Variants in BBOF1 observed in about 807,000 individuals in gnomAD.
BBOF1 encodes the protein basal body orientation factor 1.
Under a neutral mutation model 68.0 loss-of-function variants are expected in BBOF1, and 62 were observed. The ratio of observed to expected loss-of-function variants is 0.91; its 90% confidence interval spans 0.74 to 1.13. The LOEUF is 1.13. Ranked by LOEUF, BBOF1 falls within the 50% of genes most tolerant of loss-of-function variation. The pLI is 0.00. For synonymous variants in BBOF1, 208 were observed against 198.8 expected, an observed-to-expected ratio of 1.05 and a Z score of -0.39; for missense variants, 534 against 600.1, an observed-to-expected ratio of 0.89 and a Z score of 1.15.
At chr14:74,078,106 CT>C in intron 9 of BBOF1, 1 of 435,972 alleles carries the variant, frequency 2.3e-6, no homozygotes, top group South Asian at 1.6e-5. Flanking sequence ...TATTTTCACT[CT>C]TTGCTATTCC....
At chr14:74,059,402 T>C (rs1164248403) in intron 11 of BBOF1, 2 of 456,002 alleles carry the variant, frequency 4.4e-6, no homozygotes, top group Middle Eastern at 3.3e-4. Context: ...TCTAAGAAAA[T>C]TATTTGCATC....
chr14:74,075,123 T>G, intron 9 of BBOF1: 8 of 1,006,424 alleles, frequency 7.9e-6, no homozygotes, highest in East Asian at 5.2e-5. Flanking sequence ...AGGGGGTATG[T>G]TTCTCTCAAA....
chr14:74,029,367 T>A (rs2059509738), intron 3 of BBOF1, 118 bp downstream of exon 3: 3 of 620,636 alleles, frequency 4.8e-6, no homozygotes, highest in Non-Finnish European at 8.7e-6. Flanking sequence ...GCTAATGACC[T>A]TAAAGCTTGA....
At chr14:74,039,595 AT>A (rs35078321) in intron 4 of BBOF1, among the ~76,000 whole-genome samples, 159 of 144,924 alleles carry the variant, frequency 1.1e-3, no homozygotes, top group Middle Eastern at 7.4e-3. Context: ...CGCCTGGCTA[AT>A]TTTTTTTTTT....
chr14:74,077,472 T>C (rs1216346047), intron 9 of BBOF1, among the ~76,000 whole-genome samples: 1 of 152,190 alleles, frequency 6.6e-6, no homozygotes, highest in East Asian at 1.9e-4. Context: ...CTCTAGCTTC[T>C]GGCGAGGGCT....
intron 5 of BBOF1, among the ~76,000 whole-genome samples, chr14:74,044,993 C>T (rs993342108): frequency 5.5e-4 from 83 of 152,224 alleles, no homozygotes; most frequent in African/African-American, 1.8e-3. Flanking sequence ...CTTGGCCTCC[C>T]AAAGTGCTAG....
chr14:74,026,588 G>A (rs2059433225), intron 2 of BBOF1, among the ~76,000 whole-genome samples: 1 of 151,650 alleles, frequency 6.6e-6, no homozygotes, highest in Non-Finnish European at 1.5e-5. Context: ...TGCATTAAAA[G>A]AATGGCAAAA....
chr14:74,055,696 A>C lies in BBOF1; in HGVS notation c.1388+11A>C. On this transcript the variant is annotated intron_variant, in intron 9 of 11. Coordinates refer to ENST00000394009, the MANE Select transcript of BBOF1 (RefSeq NM_025057.3). ...TGGCTGTCCTTCTAGGTAACTCCCT[A>C]TTTCTGCAGTGAAATACCAAGTTGT... 1 of 1,587,834 alleles carries C rather than the reference A, an allele frequency of 6.3e-7. No individual in the cohort carries two copies. The highest frequency in any genetic ancestry group is 8.6e-7 in the Non-Finnish European group (1 of 1,157,836).
downstream of BBOF1, chr14:74,066,951 C>T: frequency 6.7e-7 from 1 of 1,498,558 alleles, no homozygotes; most frequent in Non-Finnish European, 9.3e-7. Context: ...TGCCAGGGCT[C>T]ATGCCTGTAA....
chr14:74,071,664 A>C, intron 9 of BBOF1: 1 of 1,524,560 alleles, frequency 6.6e-7, no homozygotes, highest in Non-Finnish European at 8.8e-7. Flanking sequence ...AGATTCTCTG[A>C]ATGGGAAAAA....
chr14:74,063,327 T>C (rs9652371), intron 11 of BBOF1, among the ~76,000 whole-genome samples: 78,518 of 151,158 alleles, frequency 0.52, 21,040 homozygotes, highest in East Asian at 0.89. Context: ...GCTGGGATTA[T>C]AGGCACCTGC....
chr14:74,061,918 TG>T (rs554857461), intron 11 of BBOF1, among the ~76,000 whole-genome samples: 1 of 151,844 alleles, frequency 6.6e-6, no homozygotes, highest in Admixed American at 6.6e-5. Context: ...ATAATTAAAC[TG>T]GGGGGTGCAG....
chr14:74,069,849 C>CTT (rs1566831977), downstream of BBOF1, among the ~76,000 whole-genome samples: 15 of 135,776 alleles, frequency 1.1e-4, no homozygotes, highest in Non-Finnish European at 2.0e-4. Context: ...TCTAATCTAA[C>CTT]CTTTTTTTTT....
chr14:74,035,584 A>ATTTTTTTTTTTTTTTTTTTTTTTTTTT lies in BBOF1; in HGVS notation c.495+1415_495+1441dup, dbSNP rs71460945. Among the ~76,000 whole-genome samples the ATTTTTTTTTTTTTTTTTTTTTTTTTTT allele has an allele frequency of 3.7e-5, 3 of 81,392 alleles. 1 individual carries two copies. The highest frequency in any genetic ancestry group is 6.4e-5 in the African/African-American group (1 of 15,646). The allele number at this position is 81,392 out of a possible 152,430, so 53.4% of individuals were successfully genotyped here. A position where few individuals can be genotyped will look rare whatever the true frequency, so the allele number is the denominator to read the frequency against. ...AGGCGTGCACCACCACCCCCAGCTA[A>ATTTTTTTTTTTTTTTTTTTTTTTTTTT]TTTTTTTTTTTTTTTTTTTTTTTTT... is the stretch of plus-strand genomic sequence containing the variant. On this transcript the variant is annotated intron_variant, in intron 4 of 11. Transcript: ENST00000394009.
chr14:74,057,314 C>T (rs752103405), intron 11 of BBOF1, 56 bp downstream of exon 11: 122 of 1,610,594 alleles, frequency 7.6e-5, no homozygotes, highest in Non-Finnish European at 9.2e-5. Context: ...TTCCCCATGT[C>T]GCTTCTTGCT....
chr14:74,072,353 C>T (rs1400729598), intron 9 of BBOF1: 2 of 1,614,162 alleles, frequency 1.2e-6, no homozygotes, highest in Non-Finnish European at 1.7e-6. Context: ...GACCAATGAC[C>T]TCATTGGTGG....
intron 5 of BBOF1, among the ~76,000 whole-genome samples, chr14:74,044,653 C>T (rs1384474000): frequency 6.6e-6 from 1 of 151,900 alleles, no homozygotes; most frequent in Non-Finnish European, 1.5e-5. Flanking sequence ...TGGCCAGGCG[C>T]GGTGGTTCAT....
chr14:74,073,614 C>T (rs2060578056), intron 9 of BBOF1, among the ~76,000 whole-genome samples: 1 of 152,072 alleles, frequency 6.6e-6, no homozygotes, highest in Admixed American at 6.6e-5. Flanking sequence ...GCATGTATTA[C>T]CTTTATGATC....
intron 12 of BBOF1, chr14:74,081,413 TTTA>T (rs2060666678): frequency 6.6e-6 from 1 of 152,184 alleles, no homozygotes; most frequent in Non-Finnish European, 1.5e-5. Context: ...CCACTTAAAT[TTTA>T]TTTTTTCACT....
Sources: gnomAD v4.1 joint callset for allele counts (sites outside exome capture counted in the v4.1 genomes callset) on GRCh38, gnomAD v4.1.1 for gene constraint, MANE v1.5 for transcripts, NCBI Gene and HGNC (gene_info 2026-07-23, HGNC 2026-07-21) for gene names.